The following MTHFD2L variants were observed in gnomAD, a reference collection of about 807,000 sequenced individuals.
MTHFD2L encodes the protein bifunctional methylenetetrahydrofolate dehydrogenase/cyclohydrolase 2, mitochondrial.
A neutral mutation model predicts 34.9 loss-of-function variants in MTHFD2L; 29 were observed. The observed-to-expected ratio is 0.83, with a 90% confidence interval of 0.62 to 1.13. The LOEUF (loss-of-function observed/expected upper bound fraction) is 1.13. Ranked by LOEUF, MTHFD2L falls within the 50% of genes most tolerant of loss-of-function variation. MTHFD2L has a pLI of 0.00. For synonymous variants in MTHFD2L, 167 were observed against 155.7 expected (o/e 1.07, Z -0.54); for missense variants, 481 against 446.5 (o/e 1.08, Z -0.70).
chr4:74,180,904 T>C (rs538796715), intron 3 of MTHFD2L: 1 of 182,392 alleles, frequency 5.5e-6, no homozygotes, highest in African/African-American at 2.4e-5. Context: ...ATATTCTTTT[T>C]TTCTTCTAAG....
At chr4:74,288,608 G>C (rs1389132846) in intron 7 of MTHFD2L, 1 of 152,070 alleles carries the variant, frequency 6.6e-6, no homozygotes, top group Non-Finnish European at 1.5e-5. Flanking sequence ...AAAACCTCAG[G>C]GGACAATCTC....
chr4:74,246,586 T>G (rs1742489321), intron 6 of MTHFD2L, among the ~76,000 whole-genome samples: 2 of 152,182 alleles, frequency 1.3e-5, no homozygotes, highest in South Asian at 2.1e-4. Context: ...TGCCTAGGTT[T>G]TCTTCTAGGG....
intron 7 of MTHFD2L, among the ~76,000 whole-genome samples, chr4:74,297,366 G>A (rs1328835463): frequency 6.6e-6 from 1 of 151,890 alleles, no homozygotes; most frequent in African/African-American, 2.4e-5. Flanking sequence ...ATCTAACCCT[G>A]GTTTTGCCAT....
intron 6 of MTHFD2L, among the ~76,000 whole-genome samples, chr4:74,270,702 A>G (rs368842570): frequency 2.0e-5 from 3 of 152,156 alleles, no homozygotes; most frequent in Non-Finnish European, 2.9e-5. Flanking sequence ...GGGACGGCTG[A>G]GTCAAATGGT....
In MTHFD2L at chr4:74,179,316, G is replaced by A. The variant is rs529325074; in HGVS notation, c.451+3913G>A. On this transcript the variant is annotated intron_variant, in intron 3 of 7. Coordinates refer to ENST00000325278, the MANE Select transcript of MTHFD2L (RefSeq NM_001144978.3). ...ACATGTAACCACCAAGTTGCTGATC[G>A]TTTGGTTTCCCTGTTTCCATACTTA... is the stretch of plus-strand genomic sequence containing the variant. Among the ~76,000 whole-genome samples the A allele has an allele frequency of 4.6e-5, 7 of 152,148 alleles. No homozygotes were observed. The South Asian group carries it at 1.0e-3, about 23-fold the overall frequency.
chr4:74,264,313 A>G (rs1012617604), intron 6 of MTHFD2L, among the ~76,000 whole-genome samples: 4 of 152,054 alleles, frequency 2.6e-5, no homozygotes, highest in Non-Finnish European at 4.4e-5. Flanking sequence ...AATGTAATCT[A>G]TGAAAAACCT....
chr4:74,154,742 T>C (rs1052463244), upstream of MTHFD2L, among the ~76,000 whole-genome samples: 3 of 152,156 alleles, frequency 2.0e-5, no homozygotes, highest in Non-Finnish European at 1.5e-5. Flanking sequence ...GTTCCTGTTA[T>C]TGTAGAATGA....
intron 6 of MTHFD2L, among the ~76,000 whole-genome samples, chr4:74,228,932 C>T (rs1739603145): frequency 6.6e-6 from 1 of 152,072 alleles, no homozygotes; most frequent in Admixed American, 6.6e-5. Flanking sequence ...CAGATGTAGC[C>T]AAGTTGGCCA....
chr4:74,258,315 A>G (rs1222270340), intron 6 of MTHFD2L, among the ~76,000 whole-genome samples: 2 of 152,176 alleles, frequency 1.3e-5, no homozygotes, highest in African/African-American at 4.8e-5. Flanking sequence ...TAGCCAAGAT[A>G]TGGAATCAAC....
intron 3 of MTHFD2L, among the ~76,000 whole-genome samples, chr4:74,191,302 G>A (rs1202247876): frequency 6.6e-6 from 1 of 151,740 alleles, no homozygotes; most frequent in East Asian, 1.9e-4. Flanking sequence ...GAATTTTCAA[G>A]GGCATTGTAT....
At chr4:74,184,777 A>G (rs1578387339) in intron 3 of MTHFD2L, among the ~76,000 whole-genome samples, 1 of 152,148 alleles carries the variant, frequency 6.6e-6, no homozygotes, top group African/African-American at 2.4e-5. Context: ...CATAAAACTA[A>G]TCTCAATTTT....
intron 6 of MTHFD2L, among the ~76,000 whole-genome samples, chr4:74,251,706 C>T (rs1743332753): frequency 6.6e-6 from 1 of 152,188 alleles, no homozygotes; most frequent in African/African-American, 2.4e-5. Flanking sequence ...TGATTTCCTC[C>T]ATACCCTGGA....
chr4:74,285,532 A>G (rs1748061297), intron 7 of MTHFD2L, among the ~76,000 whole-genome samples: 1 of 152,118 alleles, frequency 6.6e-6, no homozygotes, highest in Non-Finnish European at 1.5e-5. Flanking sequence ...AGTAGTTAGT[A>G]GTAGTTTTAC....
intron 6 of MTHFD2L, among the ~76,000 whole-genome samples, chr4:74,262,982 G>A (rs528773381): frequency 2.8e-4 from 43 of 152,076 alleles, no homozygotes; most frequent in African/African-American, 9.6e-4. Flanking sequence ...GGAATAGAGT[G>A]TGTACTTATC....
intron 6 of MTHFD2L, among the ~76,000 whole-genome samples, chr4:74,243,625 A>C (rs914044744): frequency 6.6e-6 from 1 of 151,892 alleles, no homozygotes. Flanking sequence ...GCCTGTTCAG[A>C]GTTTCTTTCT....
At chr4:74,206,889 CTTTTA>C in intron 5 of MTHFD2L, among the ~76,000 whole-genome samples, 2 of 152,042 alleles carry the variant, frequency 1.3e-5, no homozygotes, top group East Asian at 1.9e-4. Context: ...ATTTCATATT[CTTTTA>C]TTTTAATTTT....
chr4:74,185,525 G>GACCATAAAACTAGATTCA (rs1731056623), intron 3 of MTHFD2L, among the ~76,000 whole-genome samples: 1 of 151,992 alleles, frequency 6.6e-6, no homozygotes, highest in South Asian at 2.1e-4. Flanking sequence ...ATAAAAATCA[G>GACCATAAAACTAGATTCA]TAAAACCAAA....
At chr4:74,246,165 C>G (rs1578600719) in intron 6 of MTHFD2L, among the ~76,000 whole-genome samples, 1 of 146,392 alleles carries the variant, frequency 6.8e-6, no homozygotes, top group East Asian at 2.0e-4. Context: ...TTAATGATTG[C>G]CATTCTAACT....
intron 5 of MTHFD2L, among the ~76,000 whole-genome samples, chr4:74,215,837 A>G (rs1737121802): frequency 6.6e-6 from 1 of 151,752 alleles, no homozygotes. Flanking sequence ...GCATAGATAC[A>G]TTCCTACTGT....
Sources: allele counts gnomAD v4.1 joint callset (sites outside exome capture counted in the v4.1 genomes callset), GRCh38; gene constraint gnomAD v4.1.1; transcripts MANE v1.5; gene names NCBI Gene and HGNC (gene_info 2026-07-23, HGNC 2026-07-21).